GNG2: variants seen among roughly 807,000 people sequenced by gnomAD.
GNG2 encodes guanine nucleotide-binding protein G(I)/G(S)/G(O) subunit gamma-2.
Under a neutral mutation model 5.5 loss-of-function variants are expected in GNG2, and 5 were observed. The observed-to-expected ratio is 0.91, with a 90% confidence interval of 0.48 to 1.92. GNG2 has a LOEUF of 1.92. GNG2 is among the 30% of genes most tolerant of loss of function. GNG2 has a pLI of 0.01. For synonymous variants in GNG2, 28 were observed against 32.0 expected (o/e 0.88, Z 0.42); for missense variants, 55 against 88.4 (o/e 0.62, Z 1.52).
In GNG2 at chr14:51,966,972, C is replaced by CCCCT. The variant is rs1555359275; in HGVS notation, c.*285_*286insCCCT. ...TTCTGCTATCCCCCAGCCCCCCCCC[C>CCCCT]AAAATCCTCATGTTTCTGCTTCATA... On this transcript the variant is annotated 3_prime_UTR_variant, in exon 4 of 4. Transcript: ENST00000556766. The CCCCT allele has an allele frequency of 5.6e-6, 1 of 179,644 alleles. No individual in the cohort carries two copies. Among genetic ancestry groups the CCCCT allele is most frequent in the African/African-American group, 2.5e-5 (1 of 39,944 alleles). 11.1% of individuals were successfully genotyped at this position (179,644 alleles called of 1,614,324 possible).
rs528546888 is a variant in GNG2 at position 51,861,010 on chromosome 14, G to A, written c.-71+220G>A. Among the ~76,000 whole-genome samples, 4 of 152,064 alleles carry A rather than the reference G, an allele frequency of 2.6e-5. No homozygotes were observed. The East Asian group carries it at 7.7e-4, about 29-fold the overall frequency. On this transcript the variant is annotated intron_variant, in intron 1 of 3. Transcript: ENST00000556766. Reference sequence around the variant, plus strand: ...GTGCTTAGATTTGATGACTAAACAGGCCAACATGCTAAATACAAGAAGCTG... The same window carrying A: ...GTGCTTAGATTTGATGACTAAACAGACCAACATGCTAAATACAAGAAGCTG...
intron 2 of GNG2, among the ~76,000 whole-genome samples, chr14:51,886,891 G>A (rs1380752451): frequency 6.6e-6 from 1 of 152,198 alleles, no homozygotes; most frequent in Non-Finnish European, 1.5e-5. Flanking sequence ...GAATAGGATG[G>A]AGAATGGATT....
chr14:51,880,929 C>T (rs1013866275), intron 2 of GNG2, among the ~76,000 whole-genome samples: 1 of 122,756 alleles, frequency 8.1e-6, no homozygotes, highest in Non-Finnish European at 1.6e-5. Context: ...GCCATATATG[C>T]ATGTTTGTTC....
chr14:51,950,811 C>A, intron 3 of GNG2, 46 bp downstream of exon 3: 1 of 1,186,320 alleles, frequency 8.4e-7, no homozygotes, highest in Non-Finnish European at 1.2e-6. Context: ...GAGTCTAAGG[C>A]GCATGTCATG....
rs904955857 is a variant in GNG2, at chr14:51,967,794, G to A, written c.*1107G>A. The A allele has an allele frequency of 4.0e-5, 6 of 150,316 alleles. No individual in the cohort carries two copies. The Admixed American group carries it at 4.0e-4, about 10-fold the overall frequency. 9.3% of individuals were successfully genotyped at this position (150,316 alleles called of 1,614,324 possible). On this transcript the variant is annotated 3_prime_UTR_variant, in exon 4 of 4. Transcript: ENST00000556766. ...CAAATTCCCTCTTTCCCTGAATCAT[G>A]GACATTCTAGATTAAAAGAACATTT...
chr14:51,865,224 C>A (rs1882795439), intron 1 of GNG2, among the ~76,000 whole-genome samples: 1 of 152,048 alleles, frequency 6.6e-6, no homozygotes, highest in South Asian at 2.1e-4. Flanking sequence ...ATGTGCACAT[C>A]TATTCATTCT....
intron 2 of GNG2, among the ~76,000 whole-genome samples, chr14:51,934,863 T>C (rs1475246483): frequency 6.6e-6 from 1 of 152,216 alleles, no homozygotes; most frequent in Non-Finnish European, 1.5e-5. Context: ...TGTTTCTCCC[T>C]TTGTACAACA....
chr14:51,894,199 G>A (rs960501755), intron 2 of GNG2, among the ~76,000 whole-genome samples: 10 of 151,998 alleles, frequency 6.6e-5, no homozygotes, highest in Non-Finnish European at 1.5e-4. Flanking sequence ...ATATTTTGCG[G>A]TTTCCATCTG....
intron 3 of GNG2, among the ~76,000 whole-genome samples, chr14:51,959,732 A>AGATT (rs10636640): frequency 0.6 from 76,983 of 127,500 alleles, 19,986 homozygotes; most frequent in Non-Finnish European, 0.69. Context: ...TTCTACCAAA[A>AGATT]GATTATTTTC....
At chr14:51,919,871 T>C (rs192529455) in intron 2 of GNG2, among the ~76,000 whole-genome samples, 21 of 152,350 alleles carry the variant, frequency 1.4e-4, no homozygotes, top group African/African-American at 4.8e-4. Flanking sequence ...ATGTACCAGA[T>C]TCTAGGTATT....
rs1050155098 is a variant in GNG2 at position 51,909,060 on chromosome 14, G to A, written c.-30+31403G>A. Among the ~76,000 whole-genome samples, 4 of 152,016 alleles carry A rather than the reference G, an allele frequency of 2.6e-5. No individual in the cohort carries two copies. In the East Asian group the frequency reaches 5.8e-4, roughly 22 times the overall value. ...ACCTATCATTATAAAATAAAGAACT[G>A]CACTATTCTGAATCTCATTGTTTTC... On this transcript the variant is annotated intron_variant, in intron 2 of 3. Coordinates refer to ENST00000556766, the MANE Select transcript of GNG2 (RefSeq NM_053064.5).
intron 3 of GNG2, among the ~76,000 whole-genome samples, chr14:51,955,651 T>C (rs927424352): frequency 6.6e-6 from 1 of 152,218 alleles, no homozygotes; most frequent in Non-Finnish European, 1.5e-5. Context: ...CAAGCATGAA[T>C]GTAACTGGAC....
chr14:51,935,558 A>G (rs1369888332), intron 2 of GNG2, among the ~76,000 whole-genome samples: 2 of 152,180 alleles, frequency 1.3e-5, no homozygotes. Context: ...GGATGGCAAA[A>G]TGTTAGAAAC....
intron 2 of GNG2, among the ~76,000 whole-genome samples, chr14:51,892,318 T>A (rs563584147): frequency 6.5e-4 from 99 of 151,552 alleles, no homozygotes; most frequent in African/African-American, 1.9e-3. Flanking sequence ...TATTTTATTT[T>A]ATTTTTTTTT....
At chr14:51,915,660 C>A (rs1013489061) in intron 2 of GNG2, among the ~76,000 whole-genome samples, 1 of 152,154 alleles carries the variant, frequency 6.6e-6, no homozygotes, top group Non-Finnish European at 1.5e-5. Flanking sequence ...AAACGATTTC[C>A]CCACAACAGA....
At chr14:51,852,581 T>G (rs1881957219) in intron 2 of GNG2, among the ~76,000 whole-genome samples, 1 of 152,256 alleles carries the variant, frequency 6.6e-6, no homozygotes, top group Admixed American at 6.5e-5. Flanking sequence ...CATTTTCCTT[T>G]ATAAAACTGC....
intron 2 of GNG2, among the ~76,000 whole-genome samples, chr14:51,879,705 C>A (rs759104016): frequency 6.6e-6 from 1 of 152,170 alleles, no homozygotes; most frequent in Non-Finnish European, 1.5e-5. Context: ...ACCATAGTCC[C>A]ATCTTCTTAA....
intron 2 of GNG2, among the ~76,000 whole-genome samples, chr14:51,898,559 G>A (rs1407595439): frequency 1.3e-5 from 2 of 152,210 alleles, no homozygotes; most frequent in Non-Finnish European, 2.9e-5. Context: ...TTAAATAACA[G>A]CTCCAGCAAA....
At chr14:51,854,590 A>G (rs997752593) in intron 2 of GNG2, among the ~76,000 whole-genome samples, 1 of 150,860 alleles carries the variant, frequency 6.6e-6, no homozygotes, top group Non-Finnish European at 1.5e-5. Flanking sequence ...GCTCACTGCA[A>G]CCTCCTCCTC....
Sources: allele counts gnomAD v4.1 joint callset (sites outside exome capture counted in the v4.1 genomes callset), GRCh38; gene constraint gnomAD v4.1.1; transcripts MANE v1.5; gene names NCBI Gene and HGNC (gene_info 2026-07-23, HGNC 2026-07-21).